GREB1L: variants seen among roughly 807,000 people sequenced by gnomAD.
GREB1L encodes GREB1-like protein.
A neutral mutation model predicts 200.8 loss-of-function variants in GREB1L; 17 were observed. The ratio of observed to expected loss-of-function variants is 0.08; its 90% CI spans 0.06 to 0.13. GREB1L has a LOEUF of 0.13. GREB1L is among the 10% of genes least tolerant of loss of function. The pLI is 1.00. For synonymous variants in GREB1L, 789 were observed against 893.0 expected, an observed-to-expected ratio of 0.88 and a Z score of 2.08; for missense variants, 1,657 against 2,367.7, an observed-to-expected ratio of 0.70 and a Z score of 6.23.
intron 7 of GREB1L, among the ~76,000 whole-genome samples, chr18:21,434,044 T>C (rs759427897): frequency 6.6e-6 from 1 of 152,210 alleles, no homozygotes. Context: ...TTAATTCTAA[T>C]TTATTAAAAG....
intron 7 of GREB1L, among the ~76,000 whole-genome samples, chr18:21,433,589 A>C (rs2033319452): frequency 6.6e-6 from 1 of 152,238 alleles, no homozygotes; most frequent in East Asian, 1.9e-4. Flanking sequence ...TCCTTCCAGC[A>C]GACCTTAAAT....
chr18:21,265,529 A>T (rs1174171135), intron 1 of GREB1L, among the ~76,000 whole-genome samples: 1 of 152,178 alleles, frequency 6.6e-6, no homozygotes, highest in African/African-American at 2.4e-5. Flanking sequence ...TTGTCTTGAT[A>T]GATTAGCACT....
intron 1 of GREB1L, among the ~76,000 whole-genome samples, chr18:21,325,887 T>C (rs2039016222): frequency 6.7e-6 from 1 of 149,294 alleles, no homozygotes. Context: ...AAAAACATTC[T>C]CTTTATAATC....
chr18:21,413,915 T>G (rs972905302), intron 7 of GREB1L, among the ~76,000 whole-genome samples: 1 of 152,212 alleles, frequency 6.6e-6, no homozygotes. Flanking sequence ...ATATTTTATT[T>G]CAGTGTTAAA....
chr18:21,275,056 A>G (rs1267776880), intron 1 of GREB1L, among the ~76,000 whole-genome samples: 1 of 152,140 alleles, frequency 6.6e-6, no homozygotes, highest in Admixed American at 6.5e-5. Flanking sequence ...CCTGGCTAAC[A>G]CGGTGAAACC....
chr18:21,454,547 G>A lies in GREB1L; in HGVS notation c.2166G>A (p.Gln722=), dbSNP rs1204233578. 6.4e-7 allele frequency: 1 copy of A among 1,551,434 alleles called. No homozygotes were observed. Among genetic ancestry groups the A allele is most frequent in the East Asian group, 2.4e-5 (1 of 40,920 alleles). Residue 722 remains glutamine, a synonymous_variant, in exon 15 of 33, where the codon CAG becomes CAA. Coordinates refer to ENST00000424526, the MANE Select transcript of GREB1L (RefSeq NM_001142966.3). Reference sequence around the variant, plus strand: ...AGGTGTTGGTTCAGCAAACTCTTCAGCGGATTCGACAATCAGGTAAGAGTG... The same window carrying A: ...AGGTGTTGGTTCAGCAAACTCTTCAACGGATTCGACAATCAGGTAAGAGTG... ...RSEVLVQQTL[Q]RIRQSGVLVD...
chr18:21,422,287 T>A (rs1354140085), intron 7 of GREB1L, among the ~76,000 whole-genome samples: 1 of 152,160 alleles, frequency 6.6e-6, no homozygotes, highest in Non-Finnish European at 1.5e-5. Flanking sequence ...TAGGGGCTAC[T>A]CCCAAATAAT....
chr18:21,517,381 C>CA, intron 30 of GREB1L, among the ~76,000 whole-genome samples: 2 of 151,968 alleles, frequency 1.3e-5, no homozygotes, highest in South Asian at 4.1e-4. Flanking sequence ...TTTTTTGAGA[C>CA]AGAGTCTCGC....
In GREB1L at chr18:21,387,802, T is replaced by C. The variant is rs115087537; in HGVS notation, c.355+3399T>C. On this transcript the variant is annotated intron_variant, in intron 4 of 32. Coordinates refer to ENST00000424526, the MANE Select transcript of GREB1L (RefSeq NM_001142966.3). ...ACACTGGATATTGGGATCCTATGTCTTGAGATAGAATGTTTCATAGATTTT... is the reference window on the plus strand; with the variant it reads ...ACACTGGATATTGGGATCCTATGTCCTGAGATAGAATGTTTCATAGATTTT... Among the ~76,000 whole-genome samples the C allele has an allele frequency of 7.6e-3, 1,164 of 152,358 alleles. 15 individuals carry two copies. The highest frequency in any genetic ancestry group is 0.026 in the African/African-American group (1,092 of 41,574).
chr18:21,482,906 C>A (rs2035978983), intron 17 of GREB1L, among the ~76,000 whole-genome samples: 1 of 152,126 alleles, frequency 6.6e-6, no homozygotes, highest in Non-Finnish European at 1.5e-5. Flanking sequence ...ATTTATGATA[C>A]CTGAAACGTA....
intron 1 of GREB1L, among the ~76,000 whole-genome samples, chr18:21,291,099 G>C (rs759909811): frequency 1.3e-5 from 2 of 152,060 alleles, no homozygotes; most frequent in Non-Finnish European, 2.9e-5. Flanking sequence ...ATTCTATCAT[G>C]TTCTTCAGCC....
At position 21,252,557 on chromosome 18, in the gene GREB1L, GAAAAAAA is replaced by G. The variant is rs144115588; in HGVS notation, c.-120+10177_-120+10183del. Among the ~76,000 whole-genome samples the G allele has an allele frequency of 6.5e-5, 5 of 77,452 alleles. No homozygotes were observed. In the South Asian group the frequency reaches 2.3e-3, roughly 36 times the overall value. 50.8% of individuals were successfully genotyped at this position (77,452 alleles called of 152,430 possible). Reference sequence around the variant, plus strand: ...GGGCAACAAGAGTGAAACTCCATCTGAAAAAAAAAAAAAAAAAAAGTTAAAAGTGGCC... The same window carrying G: ...GGGCAACAAGAGTGAAACTCCATCTGAAAAAAAAAAAAGTTAAAAGTGGCC... On this transcript the variant is annotated intron_variant, in intron 1 of 32. Transcript: ENST00000424526.
At chr18:21,344,720 G>T (rs985909818) in intron 1 of GREB1L, among the ~76,000 whole-genome samples, 3 of 152,188 alleles carry the variant, frequency 2.0e-5, no homozygotes, top group African/African-American at 4.8e-5. Context: ...TAGGCCAGGT[G>T]TTTAATAGCT....
At chr18:21,284,724 CTA>C (rs1467703541) in intron 1 of GREB1L, among the ~76,000 whole-genome samples, 6 of 152,126 alleles carry the variant, frequency 3.9e-5, no homozygotes, top group Non-Finnish European at 8.8e-5. Flanking sequence ...TGTGGTAACT[CTA>C]TGTTTAACAT....
At position 21,525,802 on chromosome 18, in the gene GREB1L, T is replaced by TAAC. The variant is rs568143564; in HGVS notation, c.*2985_*2987dup. ...AAAAAATTTTACCAACTTTTGAGAA[T>TAAC]AACAACTTTGTTGTCCCAGAAAAAT... On this transcript the variant is annotated 3_prime_UTR_variant, in exon 33 of 33. Transcript: ENST00000424526. Among the ~76,000 whole-genome samples the TAAC allele has an allele frequency of 9.9e-5, 15 of 152,184 alleles. No individual in the cohort carries two copies. Among genetic ancestry groups the TAAC allele is most frequent in the Non-Finnish European group, 1.8e-4 (12 of 68,022 alleles).
chr18:21,430,670 C>T (rs1201991076), intron 7 of GREB1L, among the ~76,000 whole-genome samples: 1 of 144,376 alleles, frequency 6.9e-6, no homozygotes, highest in Non-Finnish European at 1.5e-5. Context: ...AATCTTGGCT[C>T]ACAGCAACCT....
At chr18:21,329,873 CTT>C (rs2039081131) in intron 1 of GREB1L, among the ~76,000 whole-genome samples, 1 of 151,236 alleles carries the variant, frequency 6.6e-6, no homozygotes, top group African/African-American at 2.4e-5. Context: ...CCAACTCACT[CTT>C]TCTTGATTTC....
At chr18:21,425,426 A>C (rs908012142) in intron 7 of GREB1L, among the ~76,000 whole-genome samples, 1 of 152,218 alleles carries the variant, frequency 6.6e-6, no homozygotes, top group Admixed American at 6.5e-5. Flanking sequence ...TAGGAGTGGA[A>C]TTGCTGGGTC....
At chr18:21,432,665 T>G (rs1275219096) in intron 7 of GREB1L, among the ~76,000 whole-genome samples, 1 of 151,510 alleles carries the variant, frequency 6.6e-6, no homozygotes, top group Non-Finnish European at 1.5e-5. Context: ...TTCGTAAGTT[T>G]TTTTTTTAAT....
Sources: allele counts gnomAD v4.1 joint callset (sites outside exome capture counted in the v4.1 genomes callset), GRCh38; gene constraint gnomAD v4.1.1; transcripts MANE v1.5; gene names NCBI Gene and HGNC (gene_info 2026-07-23, HGNC 2026-07-21).